Variants in ABI3BP observed in about 807,000 individuals in gnomAD.
ABI3BP encodes the protein target of Nesh-SH3.
In ABI3BP, 216 loss-of-function variants were observed where a neutral mutation model predicts 268.6. That is an observed-to-expected ratio of 0.80 (90% CI 0.72 to 0.90). The LOEUF (loss-of-function observed/expected upper bound fraction) is 0.90. ABI3BP is among the 40% of genes least tolerant of loss of function. The pLI, the probability that ABI3BP is intolerant of heterozygous loss-of-function variation, is 0.00. For synonymous variants in ABI3BP, 730 were observed against 730.0 expected, an observed-to-expected ratio of 1.00 and a Z score of 0.00; for missense variants, 2,090 against 2,182.4, an observed-to-expected ratio of 0.96 and a Z score of 0.84.
At chr3:100,873,524 G>GA (rs1267557531) in intron 9 of ABI3BP, among the ~76,000 whole-genome samples, 1 of 152,160 alleles carries the variant, frequency 6.6e-6, no homozygotes, top group Non-Finnish European at 1.5e-5. Context: ...TTTGTTCCCA[G>GA]TGGATGCATG....
intron 1 of ABI3BP, among the ~76,000 whole-genome samples, chr3:100,985,196 C>CTGGAGT (rs988349491): frequency 6.1e-5 from 8 of 132,194 alleles, no homozygotes; most frequent in African/African-American, 1.2e-4. Context: ...GTCGCCCAGG[C>CTGGAGT]TGGAGTGCAG....
intron 57 of ABI3BP, among the ~76,000 whole-genome samples, chr3:100,787,420 G>A (rs2097084864): frequency 6.6e-6 from 1 of 152,066 alleles, no homozygotes; most frequent in South Asian, 2.1e-4. Flanking sequence ...AAAGCATTTT[G>A]AAATTAGGGG....
chr3:100,976,235 G>A (rs1271776854), intron 1 of ABI3BP, among the ~76,000 whole-genome samples: 2 of 152,062 alleles, frequency 1.3e-5, no homozygotes, highest in Non-Finnish European at 2.9e-5. Context: ...TATTTATCAT[G>A]TATTCTGGTT....
intron 49 of ABI3BP, among the ~76,000 whole-genome samples, chr3:100,809,890 T>C (rs1168141456): frequency 2.6e-5 from 4 of 152,094 alleles, no homozygotes; most frequent in Admixed American, 6.6e-5. Context: ...ATTTTTTTTA[T>C]TTGTATGCAG....
At chr3:100,890,702 A>G (rs1441085106) in intron 4 of ABI3BP, among the ~76,000 whole-genome samples, 20 of 152,102 alleles carry the variant, frequency 1.3e-4, no homozygotes, top group Admixed American at 1.3e-3. Context: ...CCTCTTTATT[A>G]TAGTAAAACC....
In ABI3BP at chr3:100,862,696, T is replaced by TA. The variant is rs563205486; in HGVS notation, c.1210+141dup. 6.7e-4 allele frequency: 427 copies of TA among 633,418 alleles called. 1 individual carries two copies. Among genetic ancestry groups the TA allele is most frequent in the African/African-American group, 3.6e-3 (195 of 53,684 alleles). 39.2% of individuals were successfully genotyped at this position (633,418 alleles called of 1,614,324 possible). ...TTGCAGAAAATCCAAATAGATTTAT[T>TA]AAAAAAAAATCAAATCAACCATTTG... On this transcript the variant is annotated intron_variant, in intron 13 of 67. Coordinates refer to ENST00000471714, the MANE Select transcript of ABI3BP (RefSeq NM_001375547.2).
intron 34 of ABI3BP, among the ~76,000 whole-genome samples, chr3:100,827,751 G>T (rs2098414944): frequency 6.6e-6 from 1 of 151,976 alleles, no homozygotes; most frequent in Admixed American, 6.6e-5. Flanking sequence ...TATTAATTCA[G>T]ATACTTAGGA....
At chr3:100,835,027 T>C (rs1357112605) in intron 28 of ABI3BP, among the ~76,000 whole-genome samples, 1 of 152,136 alleles carries the variant, frequency 6.6e-6, no homozygotes, top group Non-Finnish European at 1.5e-5. Context: ...TATAGGATTT[T>C]CAAAGAGGGC....
At chr3:100,844,274 A>AC in intron 20 of ABI3BP, 1 of 985,420 alleles carries the variant, frequency 1.0e-6, no homozygotes, top group African/African-American at 1.7e-5. Context: ...AATTGGGGGC[A>AC]CCCCCTTATT....
At chr3:100,865,525 C>T (rs55743308) in intron 10 of ABI3BP, among the ~76,000 whole-genome samples, 5,266 of 152,268 alleles carry the variant, frequency 0.035, 133 homozygotes, top group South Asian at 0.099. Flanking sequence ...ACACTCCTTC[C>T]CCACCAGCCA....
At chr3:100,821,597 CTTTTTT>C (rs369631203) in intron 38 of ABI3BP, among the ~76,000 whole-genome samples, 1 of 119,136 alleles carries the variant, frequency 8.4e-6, no homozygotes, top group African/African-American at 3.3e-5. Flanking sequence ...TGAAGTAAGA[CTTTTTT>C]TTTTTTTTTT....
At chr3:100,909,429 A>G (rs1207403114) in intron 2 of ABI3BP, among the ~76,000 whole-genome samples, 2 of 152,142 alleles carry the variant, frequency 1.3e-5, no homozygotes, top group Non-Finnish European at 2.9e-5. Context: ...TGATTAAACT[A>G]AAGAGCTTCT....
At chr3:100,947,781 G>GA (rs1021038127) in intron 1 of ABI3BP, among the ~76,000 whole-genome samples, 1 of 150,718 alleles carries the variant, frequency 6.6e-6, no homozygotes, top group Non-Finnish European at 1.5e-5. Flanking sequence ...ATGAAGCTGA[G>GA]AAAAAAAAAG....
intron 29 of ABI3BP, among the ~76,000 whole-genome samples, chr3:100,833,438 T>C (rs1258993975): frequency 3.9e-5 from 6 of 152,276 alleles, no homozygotes; most frequent in South Asian, 2.1e-4. Flanking sequence ...TCTTAGGACA[T>C]CTAATAATGT....
chr3:100,862,246 A>C, intron 14 of ABI3BP, 65 bp downstream of exon 14: 1 of 1,111,284 alleles, frequency 9.0e-7, no homozygotes, highest in Non-Finnish European at 1.3e-6. Context: ...AGGAACCTAT[A>C]AAAACAATAA....
At chr3:100,902,517 T>C in intron 3 of ABI3BP, 101 bp downstream of exon 3, 1 of 1,063,398 alleles carries the variant, frequency 9.4e-7, no homozygotes, top group Non-Finnish European at 1.4e-6. Context: ...TCTACATTCT[T>C]AAAGCTTCTC....
intron 14 of ABI3BP, among the ~76,000 whole-genome samples, chr3:100,853,276 A>C (rs1348136585): frequency 6.6e-6 from 1 of 152,342 alleles, no homozygotes. Flanking sequence ...CTGAGAATGC[A>C]TCTATTATAT....
At chr3:100,912,057 A>G in intron 2 of ABI3BP, 1 of 733,514 alleles carries the variant, frequency 1.4e-6, no homozygotes, top group South Asian at 1.5e-5. Flanking sequence ...CAGTAATGCT[A>G]TTCTTGCCTT....
intron 57 of ABI3BP, among the ~76,000 whole-genome samples, chr3:100,783,955 G>A (rs2096948540): frequency 6.6e-6 from 1 of 152,140 alleles, no homozygotes. Flanking sequence ...AGCTAAGCTG[G>A]GACACGTCTC....
Sources: gnomAD v4.1 joint callset for allele counts (sites outside exome capture counted in the v4.1 genomes callset) on GRCh38, gnomAD v4.1.1 for gene constraint, MANE v1.5 for transcripts, NCBI Gene and HGNC (gene_info 2026-07-23, HGNC 2026-07-21) for gene names.